The following EED variants were observed in gnomAD, a reference collection of about 807,000 sequenced individuals.
EED encodes the protein polycomb protein EED.
A neutral mutation model predicts 61.0 loss-of-function variants in EED; 9 were observed. That is an observed-to-expected ratio of 0.15 (90% CI 0.09 to 0.26). EED has a LOEUF of 0.26. Among genes scored for constraint, EED ranks in the 10% least tolerant of loss-of-function variants. EED has a pLI of 1.00. For synonymous variants in EED, 187 were observed against 174.4 expected, an observed-to-expected ratio of 1.07 and a Z score of -0.57; for missense variants, 315 against 542.3, an observed-to-expected ratio of 0.58 and a Z score of 4.16.
chr11:86,266,147 G>A lies in EED; in HGVS notation c.791G>A (p.Arg264Lys), dbSNP rs775716311. The stretch of plus-strand genomic sequence containing the variant: ...ATGGATCATTCTCTTAAACTTTGGA[G>A]GATCAATTCAAAGAGAATGATGAAT... ...CGMDHSLKLW[R>K]INSKRMMNAI... is the part of the protein sequence containing the mutation. Residue 264 changes from arginine (R) to lysine (K), a missense_variant, in exon 8 of 12, where the codon AGG (arginine) becomes AAG (lysine). By Grantham distance (26) the Arg-to-Lys change is conservative. This residue lies in a region of EED where 205 missense variants were observed against 455.4 expected (regional missense o/e 0.45). Coordinates refer to ENST00000263360, the MANE Select transcript of EED (RefSeq NM_003797.5). 2 of 1,604,096 alleles carry A rather than the reference G, an allele frequency of 1.2e-6. No individual in the cohort carries two copies. Among genetic ancestry groups the A allele is most frequent in the Non-Finnish European group, 1.7e-6 (2 of 1,173,088 alleles).
Position 86,252,245 on chromosome 11 carries a change from G to GT in EED, c.360+6dup. Reference sequence around the variant, plus strand: ...GCAACTGTAGGAAGCAACAGAGTGAGTGTTAAGGGGTCTATTTAGTATTTG... The same window carrying GT: ...GCAACTGTAGGAAGCAACAGAGTGAGTTGTTAAGGGGTCTATTTAGTATTTG... On this transcript the variant is annotated splice_donor_region_variant and intron_variant, in intron 3 of 11. Coordinates refer to ENST00000263360, the MANE Select transcript of EED (RefSeq NM_003797.5). 1.9e-6 allele frequency: 3 copies of GT among 1,585,928 alleles called. No homozygotes were observed. The highest frequency in any genetic ancestry group is 2.6e-6 in the Non-Finnish European group (3 of 1,158,592).
intron 3 of EED, 45 bp from the exon 4 acceptor site, chr11:86,255,177 T>G (rs761442654): frequency 6.8e-7 from 1 of 1,473,304 alleles, no homozygotes; most frequent in South Asian, 1.2e-5. Context: ...GAGAGTATGT[T>G]TTCTATACTT....
At chr11:86,273,184 C>T (rs936645917) in intron 9 of EED, among the ~76,000 whole-genome samples, 1 of 152,122 alleles carries the variant, frequency 6.6e-6, no homozygotes. Flanking sequence ...CCACTATGCT[C>T]AGCTAATTTC....
chr11:86,254,255 GTAAC>G (rs994769018), intron 3 of EED, among the ~76,000 whole-genome samples: 5 of 150,980 alleles, frequency 3.3e-5, no homozygotes, highest in African/African-American at 9.7e-5. Flanking sequence ...TTTTAAATAT[GTAAC>G]TAATATGTAA....
intron 6 of EED, among the ~76,000 whole-genome samples, chr11:86,261,136 C>T (rs1323143874): frequency 6.6e-6 from 1 of 152,140 alleles, no homozygotes; most frequent in Non-Finnish European, 1.5e-5. Flanking sequence ...AGGCAGGATT[C>T]CTGCTGAGGT....
chr11:86,264,525 T>C, intron 7 of EED: 1 of 301,658 alleles, frequency 3.3e-6, no homozygotes, highest in Non-Finnish European at 6.0e-6. Flanking sequence ...GCTCCTTTCC[T>C]TTTAATCTAA....
At chr11:86,255,434 C>G (rs1945643921) in intron 4 of EED, 147 bp downstream of exon 4, 4 of 635,248 alleles carry the variant, frequency 6.3e-6, no homozygotes, top group Non-Finnish European at 1.0e-5. Context: ...AATCCTGTAT[C>G]TAGTTTTCCT....
chr11:86,280,797 T>C (rs752386896), downstream of EED, among the ~76,000 whole-genome samples: 10 of 152,238 alleles, frequency 6.6e-5, no homozygotes, highest in Non-Finnish European at 1.3e-4. Flanking sequence ...ATGTTAGTTA[T>C]TGGCATGTCA....
chr11:86,245,193 C>T lies in EED; in HGVS notation c.-37C>T. ...TGACGGCGGTGTGGCGGAGGCCCCG[C>T]CCCAGGCGGCAGGAACCTGGAGGGA... On this transcript the variant is annotated 5_prime_UTR_variant, in exon 1 of 12. Transcript: ENST00000263360. 6.3e-7 allele frequency: 1 copy of T among 1,579,510 alleles called. No homozygotes were observed. The highest frequency in any genetic ancestry group is 1.1e-5 in the South Asian group (1 of 89,712).
At chr11:86,247,494 C>T (rs1422802637) in intron 1 of EED, among the ~76,000 whole-genome samples, 1 of 152,040 alleles carries the variant, frequency 6.6e-6, no homozygotes, top group African/African-American at 2.4e-5. Context: ...AACACTTTTT[C>T]GAAGTGTAAT....
chr11:86,260,478 C>G (rs1945798836), intron 6 of EED, among the ~76,000 whole-genome samples: 1 of 152,298 alleles, frequency 6.6e-6, no homozygotes, highest in African/African-American at 2.4e-5. Context: ...ATCCTCACAC[C>G]TTGGCCTCCC....
rs779621699 is a variant in EED at position 86,277,042 on chromosome 11, T to G, written c.1029T>G (p.Ile343Met). 1.1e-5 allele frequency: 17 copies of G among 1,578,038 alleles called. No homozygotes were observed. Among genetic ancestry groups the G allele is most frequent in the Non-Finnish European group, 1.5e-5 (17 of 1,155,496 alleles). Reference sequence around the variant, plus strand: ...AGATGGAAGATGATATAGATAAAATTAAACCCAGTGAATCTAATGTGACTA... The same window carrying G: ...AGATGGAAGATGATATAGATAAAATGAAACCCAGTGAATCTAATGTGACTA... ...PGKMEDDIDK[I>M]KPSESNVTIL... Residue 343 changes from isoleucine to methionine, a missense_variant, in exon 10 of 12, where the codon ATT (isoleucine) becomes ATG (methionine). Coordinates refer to ENST00000263360, the MANE Select transcript of EED (RefSeq NM_003797.5).
downstream of EED, among the ~76,000 whole-genome samples, chr11:86,281,775 G>T (rs1050989911): frequency 1.8e-4 from 28 of 152,276 alleles, no homozygotes; most frequent in Non-Finnish European, 2.8e-4. Flanking sequence ...TCCTGCCCCA[G>T]CTTCCCAAGT....
chr11:86,276,633 TG>T (rs1946238133), intron 9 of EED: 1 of 163,014 alleles, frequency 6.1e-6, no homozygotes, highest in Middle Eastern at 2.8e-3. Context: ...TCTAATTCTG[TG>T]TGTTTGTAAT....
chr11:86,285,672 ACTGCAACTTCCGCCTCC>A, the EED span, among the ~76,000 whole-genome samples: 1 of 152,076 alleles, frequency 6.6e-6, no homozygotes, highest in Non-Finnish European at 1.5e-5. Context: ...ATTTCAGCTC[ACTGCAACTTCCGCCTCC>A]CAGTTTCAAG....
chr11:86,248,919 G>T (rs1270690111), intron 1 of EED, among the ~76,000 whole-genome samples: 2 of 152,108 alleles, frequency 1.3e-5, no homozygotes, highest in Admixed American at 6.5e-5. Flanking sequence ...GCTAAGGTGG[G>T]GGGAAGATCA....
chr11:86,255,821 C>G (rs576654894), intron 4 of EED, among the ~76,000 whole-genome samples: 1 of 151,716 alleles, frequency 6.6e-6, no homozygotes, highest in African/African-American at 2.4e-5. Context: ...TTGAAAAGCC[C>G]GAGTTAGAGC....
At chr11:86,251,194 C>G (rs1485381509) in intron 2 of EED, among the ~76,000 whole-genome samples, 6 of 152,100 alleles carry the variant, frequency 3.9e-5, no homozygotes, top group Non-Finnish European at 8.8e-5. Context: ...GCATAAGAAG[C>G]TATGACTATG....
At chr11:86,247,837 A>G (rs968247719) in intron 1 of EED, among the ~76,000 whole-genome samples, 3 of 152,246 alleles carry the variant, frequency 2.0e-5, no homozygotes, top group Non-Finnish European at 4.4e-5. Flanking sequence ...GTTAGAGTTC[A>G]GGTAACCTGA....
Sources: gnomAD v4.1 joint callset for allele counts (sites outside exome capture counted in the v4.1 genomes callset) on GRCh38, gnomAD v4.1.1 for gene constraint, gnomAD v4.1.1 regional missense constraint, MANE v1.5 for transcripts, NCBI Gene and HGNC (gene_info 2026-07-23, HGNC 2026-07-21) for gene names.